Variants in GRM8 observed in about 807,000 individuals in gnomAD.
The protein encoded by GRM8 is metabotropic glutamate receptor 8.
A neutral mutation model predicts 87.2 loss-of-function variants in GRM8; 47 were observed. That is an observed-to-expected ratio of 0.54 (90% CI 0.43 to 0.69). The LOEUF (loss-of-function observed/expected upper bound fraction) is 0.69. Ranked by LOEUF, GRM8 falls within the 30% of genes least tolerant of loss-of-function variation. The pLI, the probability that GRM8 is intolerant of heterozygous loss-of-function variation, is 0.00. For synonymous variants in GRM8, 396 were observed against 404.5 expected, an observed-to-expected ratio of 0.98 and a Z score of 0.25; for missense variants, 1,019 against 1,139.2, an observed-to-expected ratio of 0.89 and a Z score of 1.52.
intron 2 of GRM8, among the ~76,000 whole-genome samples, chr7:127,152,045 T>C (rs1215423027): frequency 6.6e-6 from 1 of 152,090 alleles, no homozygotes; most frequent in Non-Finnish European, 1.5e-5. Context: ...ATAGGGAAAC[T>C]GCTATCTGTC....
At chr7:126,964,447 A>T (rs1349548242) in intron 3 of GRM8, among the ~76,000 whole-genome samples, 1 of 152,236 alleles carries the variant, frequency 6.6e-6, no homozygotes, top group East Asian at 1.9e-4. Context: ...TCTACAAAGA[A>T]CTTAAACAAA....
intron 3 of GRM8, among the ~76,000 whole-genome samples, chr7:127,040,655 C>T (rs376736841): frequency 6.6e-6 from 1 of 150,912 alleles, no homozygotes; most frequent in Admixed American, 6.6e-5. Context: ...TAAATAAGGA[C>T]AGTGATGGCC....
intron 6 of GRM8, among the ~76,000 whole-genome samples, chr7:126,826,135 G>C (rs1224271555): frequency 1.3e-5 from 2 of 151,996 alleles, no homozygotes; most frequent in African/African-American, 4.8e-5. Context: ...GGACATTTGG[G>C]TTGGTTCCAA....
intron 3 of GRM8, among the ~76,000 whole-genome samples, chr7:126,973,172 C>A (rs527288049): frequency 6.6e-6 from 1 of 152,278 alleles, no homozygotes; most frequent in Non-Finnish European, 1.5e-5. Context: ...TTACTGGGCC[C>A]CACTCTCAGA....
At chr7:127,222,539 C>T (rs1296423360) in intron 2 of GRM8, among the ~76,000 whole-genome samples, 2 of 151,508 alleles carry the variant, frequency 1.3e-5, no homozygotes, top group Admixed American at 6.6e-5. Flanking sequence ...AAAGGTTTGT[C>T]ACTCTGGAGT....
intron 7 of GRM8, among the ~76,000 whole-genome samples, chr7:126,678,674 G>A (rs1416246539): frequency 6.6e-6 from 1 of 152,186 alleles, no homozygotes; most frequent in African/African-American, 2.4e-5. Flanking sequence ...GTACTCAGCT[G>A]CCTGGAGGAC....
chr7:126,520,954 C>T (rs1384215892), intron 9 of GRM8, among the ~76,000 whole-genome samples: 1 of 152,082 alleles, frequency 6.6e-6, no homozygotes, highest in East Asian at 1.9e-4. Flanking sequence ...TTTGATTGGA[C>T]ATTTTAGCAT....
intron 7 of GRM8, among the ~76,000 whole-genome samples, chr7:126,704,047 G>A (rs34145914): frequency 7.0e-4 from 107 of 152,224 alleles, no homozygotes; most frequent in South Asian, 2.1e-3. Flanking sequence ...CTGTCAGGAC[G>A]TCTACAACCC....
intron 7 of GRM8, among the ~76,000 whole-genome samples, chr7:126,647,350 TATAG>T (rs1235336891): frequency 6.6e-6 from 1 of 150,536 alleles, no homozygotes; most frequent in African/African-American, 2.4e-5. Context: ...TAGATATAGA[TATAG>T]ATAGATATAA....
At chr7:126,601,999 T>C (rs1402612283) in intron 8 of GRM8, among the ~76,000 whole-genome samples, 18 of 122,936 alleles carry the variant, frequency 1.5e-4, no homozygotes, top group African/African-American at 4.5e-4. Flanking sequence ...GGACATGAAG[T>C]CCTTGCCCAT....
chr7:126,592,566 T>C (rs906080353), intron 8 of GRM8, among the ~76,000 whole-genome samples: 1 of 151,948 alleles, frequency 6.6e-6, no homozygotes, highest in African/African-American at 2.4e-5. Flanking sequence ...TAAAAAATAT[T>C]TGACAACATT....
intron 6 of GRM8, among the ~76,000 whole-genome samples, chr7:126,803,340 A>G (rs1014670607): frequency 3.9e-5 from 6 of 152,180 alleles, no homozygotes; most frequent in African/African-American, 1.4e-4. Context: ...TACTCTCCCT[A>G]AGATGTCTAG....
At chr7:126,756,773 G>A (rs1817054045) in intron 7 of GRM8, among the ~76,000 whole-genome samples, 1 of 152,070 alleles carries the variant, frequency 6.6e-6, no homozygotes, top group South Asian at 2.1e-4. Context: ...ATATAGATAG[G>A]TGGAGGATAG....
intron 7 of GRM8, among the ~76,000 whole-genome samples, chr7:126,614,191 C>T (rs757583535): frequency 3.9e-5 from 6 of 152,228 alleles, no homozygotes; most frequent in African/African-American, 7.2e-5. Flanking sequence ...TCCAGAGGAA[C>T]GGTCAGGCAG....
chr7:126,915,993 A>T (rs1803857681), intron 3 of GRM8, among the ~76,000 whole-genome samples: 1 of 152,148 alleles, frequency 6.6e-6, no homozygotes, highest in African/African-American at 2.4e-5. Context: ...TGTTTTTGCC[A>T]TTTCAAATTA....
At chr7:126,630,135 AG>A (rs200552597) in intron 7 of GRM8, among the ~76,000 whole-genome samples, 1 of 151,972 alleles carries the variant, frequency 6.6e-6, no homozygotes, top group East Asian at 1.9e-4. Flanking sequence ...ACACCAAATA[AG>A]AAAAAAACAA....
chr7:126,926,729 A>C (rs370969803), intron 3 of GRM8, among the ~76,000 whole-genome samples: 3 of 152,166 alleles, frequency 2.0e-5, no homozygotes, highest in African/African-American at 7.2e-5. Context: ...TCTGCCACCA[A>C]CTAATTTCAT....
At chr7:126,470,395 G>A (rs1805041613) in intron 9 of GRM8, among the ~76,000 whole-genome samples, 1 of 131,446 alleles carries the variant, frequency 7.6e-6, no homozygotes, top group Non-Finnish European at 1.5e-5. Context: ...CTGTGTCCAT[G>A]TGTTCTCATT....
chr7:126,920,413 C>T (rs1408852906), intron 3 of GRM8, among the ~76,000 whole-genome samples: 1 of 152,034 alleles, frequency 6.6e-6, no homozygotes, highest in East Asian at 1.9e-4. Flanking sequence ...GAAATGTCAC[C>T]AATGTTTTGA....
Sources: gnomAD v4.1 joint callset for allele counts (sites outside exome capture counted in the v4.1 genomes callset) on GRCh38, gnomAD v4.1.1 for gene constraint, MANE v1.5 for transcripts, NCBI Gene and HGNC (gene_info 2026-07-23, HGNC 2026-07-21) for gene names.